DCLK2: variants seen among roughly 807,000 people sequenced by gnomAD.
The protein encoded by DCLK2 is serine/threonine-protein kinase DCLK2.
DCLK2 carries 31 observed loss-of-function variants against 78.4 expected under a neutral mutation model. The ratio of observed to expected loss-of-function variants is 0.40; its 90% CI spans 0.30 to 0.53. DCLK2 has a LOEUF of 0.53. Ranked by LOEUF, DCLK2 falls within the 20% of genes least tolerant of loss-of-function variation. The probability of loss-of-function intolerance (pLI) is 0.61; values close to 1 mark genes in which losing one functional copy is unlikely to be tolerated. For synonymous variants in DCLK2, 407 were observed against 374.9 expected (o/e 1.09, Z -0.99); for missense variants, 872 against 973.7 (o/e 0.90, Z 1.39).
chr4:150,188,260 G>A (rs1415875962), intron 2 of DCLK2, among the ~76,000 whole-genome samples: 2 of 151,850 alleles, frequency 1.3e-5, no homozygotes, highest in African/African-American at 4.8e-5. Context: ...GATTGCCTGA[G>A]CCCAGGAGTT....
At chr4:150,219,108 G>A (rs907875584) in intron 5 of DCLK2, among the ~76,000 whole-genome samples, 2 of 152,172 alleles carry the variant, frequency 1.3e-5, no homozygotes. Context: ...GGAGACTGAG[G>A]TGGGAGGATC....
At chr4:150,187,835 C>G (rs143513998) in intron 2 of DCLK2, among the ~76,000 whole-genome samples, 3,600 of 141,824 alleles carry the variant, frequency 0.025, 125 homozygotes, top group African/African-American at 0.086. Context: ...GAGTCTTGCT[C>G]TGTCGCTAGG....
At chr4:150,197,166 AAAAGAG>A (rs1333717544) in intron 3 of DCLK2, among the ~76,000 whole-genome samples, 6 of 152,244 alleles carry the variant, frequency 3.9e-5, no homozygotes, top group African/African-American at 1.2e-4. Flanking sequence ...AAAAAAAAAA[AAAAGAG>A]AGAGAGAAAA....
At position 150,256,767 on chromosome 4, in the gene DCLK2, G is replaced by C. The variant is rs1744598936; in HGVS notation, c.*520G>C. On this transcript the variant is annotated 3_prime_UTR_variant, in exon 16 of 16. Coordinates refer to ENST00000296550, the MANE Select transcript of DCLK2 (RefSeq NM_001040260.4). ...CTGTGAGAGGTGATATGGGGGCTAAGAGGACTGGCTTTCTAATAGAAGAAG... is the reference window on the plus strand; with the variant it reads ...CTGTGAGAGGTGATATGGGGGCTAACAGGACTGGCTTTCTAATAGAAGAAG... 1 of 152,480 alleles carries C rather than the reference G, an allele frequency of 6.6e-6. No homozygotes were observed. The highest frequency in any genetic ancestry group is 2.4e-5 in the African/African-American group (1 of 41,424). The allele number at this position is 152,480 out of a possible 1,614,324, so 9.4% of individuals were successfully genotyped here. A position where few individuals can be genotyped will look rare whatever the true frequency, so the allele number is the denominator to read the frequency against.
intron 2 of DCLK2, among the ~76,000 whole-genome samples, chr4:150,179,120 C>A (rs912072122): frequency 2.0e-5 from 3 of 152,138 alleles, no homozygotes; most frequent in Non-Finnish European, 4.4e-5. Flanking sequence ...CTCTGCCTCC[C>A]AGGTTCACGC....
Position 150,218,112 on chromosome 4 carries a change from C to T in DCLK2, c.1057-2591C>T, listed in dbSNP as rs1016612967. ...GCCCCCCCTCCCCCCACAACGAGGC[C>T]CCCTGTTCCTTCTGAGGCTCAAGGC... On this transcript the variant is annotated intron_variant, in intron 5 of 15. Transcript: ENST00000296550. Among the ~76,000 whole-genome samples the T allele has an allele frequency of 5.5e-5, 8 of 144,234 alleles. No homozygotes were observed. The South Asian group carries it at 1.9e-3, about 35-fold the overall frequency. The allele number at this position is 144,234 out of a possible 152,430, so 94.6% of individuals were successfully genotyped here. A position where few individuals can be genotyped will look rare whatever the true frequency, so the allele number is the denominator to read the frequency against.
rs554428034 is a variant in DCLK2 at position 150,147,120 on chromosome 4, C to A, written c.756+44308C>A. On this transcript the variant is annotated intron_variant, in intron 2 of 15. Coordinates refer to ENST00000296550, the MANE Select transcript of DCLK2 (RefSeq NM_001040260.4). ...GCAACATAGTGAGGCCTGTTTCTAC[C>A]AAAAAAAAAATAAAAAATAAAAAAG... is the stretch of plus-strand genomic sequence containing the variant. Among the ~76,000 whole-genome samples the A allele has an allele frequency of 8.3e-4, 120 of 145,242 alleles. 1 individual carries two copies. Among genetic ancestry groups the A allele is most frequent in the African/African-American group, 3.0e-3 (118 of 39,528 alleles).
chr4:150,094,314 G>C (rs1049625565), intron 1 of DCLK2, among the ~76,000 whole-genome samples: 2 of 152,124 alleles, frequency 1.3e-5, no homozygotes, highest in Non-Finnish European at 2.9e-5. Flanking sequence ...TCTGACAAGG[G>C]GTTAATATCT....
intron 1 of DCLK2, among the ~76,000 whole-genome samples, chr4:150,082,224 A>G (rs541383382): frequency 2.0e-5 from 3 of 152,280 alleles, no homozygotes; most frequent in East Asian, 3.9e-4. Flanking sequence ...GTTTTGGTTG[A>G]TTATTTTTAA....
Position 150,197,908 on chromosome 4 carries a change from G to A in DCLK2, c.860-94G>A. 5 of 894,216 alleles carry A rather than the reference G, an allele frequency of 5.6e-6. No homozygotes were observed. The South Asian group carries it at 9.3e-5, about 17-fold the overall frequency. 55.4% of individuals were successfully genotyped at this position (894,216 alleles called of 1,614,324 possible). A position where few individuals can be genotyped will look rare whatever the true frequency, so the allele number is the denominator to read the frequency against. Reference sequence around the variant, plus strand: ...GTTTAACAGTAATACCTAATTATCAGGTAATAGTTCTGGTCAGTAAACAAT... The same window carrying A: ...GTTTAACAGTAATACCTAATTATCAAGTAATAGTTCTGGTCAGTAAACAAT... On this transcript the variant is annotated intron_variant, in intron 3 of 15. Coordinates refer to ENST00000296550, the MANE Select transcript of DCLK2 (RefSeq NM_001040260.4).
intron 1 of DCLK2, among the ~76,000 whole-genome samples, chr4:150,088,674 C>G (rs1380959789): frequency 6.6e-6 from 1 of 152,114 alleles, no homozygotes; most frequent in African/African-American, 2.4e-5. Flanking sequence ...ATCCAAAATG[C>G]TTGAAAATCT....
chr4:150,223,456 A>C (rs1164655375), intron 7 of DCLK2, among the ~76,000 whole-genome samples: 3 of 152,222 alleles, frequency 2.0e-5, no homozygotes, highest in Non-Finnish European at 2.9e-5. Context: ...TTAAAAATTA[A>C]ATAATGGCTG....
chr4:150,145,171 G>A (rs899125800), intron 2 of DCLK2, among the ~76,000 whole-genome samples: 1 of 151,958 alleles, frequency 6.6e-6, no homozygotes, highest in Admixed American at 6.6e-5. Flanking sequence ...CAGCTTGAAA[G>A]TAAAACTTTG....
intron 5 of DCLK2, among the ~76,000 whole-genome samples, chr4:150,219,258 CTTTTTTTTTTTTT>C (rs375592229): frequency 2.8e-5 from 2 of 72,128 alleles, no homozygotes; most frequent in African/African-American, 5.3e-5. Flanking sequence ...CACAAACATT[CTTTTTTTTTTTTT>C]TTTTTTTTTT....
intron 8 of DCLK2, 53 bp downstream of exon 8, chr4:150,224,611 G>A: frequency 6.7e-7 from 1 of 1,488,898 alleles, no homozygotes; most frequent in South Asian, 1.2e-5. Flanking sequence ...ACTTGGTGAG[G>A]TGTTTACTGT....
chr4:150,253,048 G>T (rs940359474), intron 15 of DCLK2, among the ~76,000 whole-genome samples: 1 of 152,082 alleles, frequency 6.6e-6, no homozygotes, highest in African/African-American at 2.4e-5. Context: ...TTGTGTGGGG[G>T]AACTTGCGAT....
intron 12 of DCLK2, among the ~76,000 whole-genome samples, chr4:150,242,819 G>T (rs1249185077): frequency 6.6e-6 from 1 of 152,186 alleles, no homozygotes; most frequent in African/African-American, 2.4e-5. Flanking sequence ...GGGAGAAAAT[G>T]AGCTAAGTAT....
At chr4:150,240,182 T>G (rs540666142) in intron 11 of DCLK2, among the ~76,000 whole-genome samples, 1 of 152,344 alleles carries the variant, frequency 6.6e-6, no homozygotes, top group South Asian at 2.1e-4. Context: ...CTAAGGCCAC[T>G]CTTGAGAGTA....
chr4:150,254,367 C>A (rs1227865164), intron 15 of DCLK2: 6 of 398,992 alleles, frequency 1.5e-5, no homozygotes, highest in African/African-American at 8.2e-5. Flanking sequence ...TAGTTTCTGT[C>A]CCTGCTTCTC....
Sources: gnomAD v4.1 joint callset for allele counts (sites outside exome capture counted in the v4.1 genomes callset) on GRCh38, gnomAD v4.1.1 for gene constraint, MANE v1.5 for transcripts, NCBI Gene and HGNC (gene_info 2026-07-23, HGNC 2026-07-21) for gene names.